GCC2: variants seen among roughly 807,000 people sequenced by gnomAD.
The protein encoded by GCC2 is GRIP and coiled-coil domain containing 2.
GCC2 carries 120 observed loss-of-function variants against 210.6 expected under a neutral mutation model. The ratio of observed to expected loss-of-function variants is 0.57; its 90% CI spans 0.49 to 0.66. The LOEUF (loss-of-function observed/expected upper bound fraction) is 0.66, where lower values mean the gene tolerates loss of function less well. Among genes scored for constraint, GCC2 ranks in the 30% least tolerant of loss-of-function variants. The pLI, the probability that GCC2 is intolerant of heterozygous loss-of-function variation, is 0.00. For missense variants in GCC2, 1,868 were observed against 1,871.9 expected (o/e 1.00, Z 0.04); for synonymous variants, 703 against 652.7 (o/e 1.08, Z -1.17).
intron 4 of GCC2, among the ~76,000 whole-genome samples, chr2:108,463,552 G>A (rs1680714796): frequency 6.6e-6 from 1 of 152,158 alleles, no homozygotes; most frequent in African/African-American, 2.4e-5. Flanking sequence ...GCTGGGGCCT[G>A]GAATGCCAAG....
intron 10 of GCC2, 114 bp downstream of exon 10, chr2:108,481,930 C>A (rs193190841): frequency 5.2e-5 from 36 of 696,694 alleles, no homozygotes; most frequent in African/African-American, 3.7e-4. Context: ...ATTCCCCCCC[C>A]ACTTTACCCT....
At position 108,469,999 on chromosome 2, in the gene GCC2, G is replaced by C; in HGVS notation, c.670G>C (p.Glu224Gln). ...AGTTACTCAACTCCAAAATATCATTGAGGCTAATTCTCAGCATTACCAAAA... is the reference window on the plus strand; with the variant it reads ...AGTTACTCAACTCCAAAATATCATTCAGGCTAATTCTCAGCATTACCAAAA... ...ETVTQLQNII[E>Q]ANSQHYQKNI... Residue 224 changes from glutamate (E) to glutamine (Q), a missense_variant, in exon 6 of 23, where the codon GAG (glutamate) becomes CAG (glutamine). Coordinates refer to ENST00000309863, the MANE Select transcript of GCC2 (RefSeq NM_181453.4). 1.9e-6 allele frequency: 3 copies of C among 1,612,610 alleles called. No homozygotes were observed. The highest frequency in any genetic ancestry group is 2.5e-6 in the Non-Finnish European group (3 of 1,179,030).
chr2:108,476,052 T>G, intron 9 of GCC2, among the ~76,000 whole-genome samples: 1 of 134,448 alleles, frequency 7.4e-6, no homozygotes, highest in Non-Finnish European at 1.6e-5. Context: ...AATAGTGGCT[T>G]GCTTTTTTTT....
intron 4 of GCC2, among the ~76,000 whole-genome samples, chr2:108,465,583 T>TA (rs1680839398): frequency 6.6e-6 from 1 of 152,206 alleles, no homozygotes; most frequent in African/African-American, 2.4e-5. Flanking sequence ...AGCTCCTACT[T>TA]ACAAGTGGGA....
At position 108,482,270 on chromosome 2, in the gene GCC2, A is replaced by G. The variant is rs759989212; in HGVS notation, c.3181-17A>G. The G allele has an allele frequency of 4.0e-6, 6 of 1,502,160 alleles. No individual in the cohort carries two copies. Among genetic ancestry groups the G allele is most frequent in the Non-Finnish European group, 5.5e-6 (6 of 1,094,576 alleles). 93.1% of individuals were successfully genotyped at this position (1,502,160 alleles called of 1,614,324 possible). On this transcript the variant is annotated splice_polypyrimidine_tract_variant and intron_variant, in intron 10 of 22. Coordinates refer to ENST00000309863, the MANE Select transcript of GCC2 (RefSeq NM_181453.4). ...GTTTTTTGCATGTTTATAGTAATGA[A>G]TCATTTGTCATTTCAGTGTGAAACA... is the stretch of plus-strand genomic sequence containing the variant.
At position 108,471,478 on chromosome 2, in the gene GCC2, G is replaced by T. The variant is rs748248613; in HGVS notation, c.2149G>T (p.Asp717Tyr). Residue 717 changes from aspartate to tyrosine, a missense_variant, in exon 6 of 23, where the codon GAT (aspartate) becomes TAT (tyrosine). Asp to Tyr is a radical substitution (Grantham distance 160, BLOSUM62 -3). This residue lies in a region of GCC2 where 1,847 missense variants were observed against 1,765.2 expected (regional missense o/e 1.05). Transcript: ENST00000309863. ...GGAGGTTTTTTTGTCTCAAAAAGAA[G>T]ATGTTATCCTTAAAGAACATATTAC... Reference protein sequence around the residue: ...DLEVFLSQKEDVILKEHITQL... With the variant: ...DLEVFLSQKEYVILKEHITQL... The T allele has an allele frequency of 8.1e-6, 13 of 1,610,020 alleles. No homozygotes were observed. Among genetic ancestry groups the T allele is most frequent in the Non-Finnish European group, 1.1e-5 (13 of 1,178,716 alleles).
chr2:108,479,689 A>G (rs900520612), intron 9 of GCC2, among the ~76,000 whole-genome samples: 3 of 151,798 alleles, frequency 2.0e-5, no homozygotes, highest in African/African-American at 7.3e-5. Flanking sequence ...AATGCCACAC[A>G]AGACCCAGCA....
intron 9 of GCC2, among the ~76,000 whole-genome samples, chr2:108,476,342 G>A (rs573664899): frequency 4.6e-5 from 7 of 152,158 alleles, no homozygotes; most frequent in Non-Finnish European, 7.4e-5. Context: ...ACAGGCATGC[G>A]CCACCACACC....
chr2:108,459,365 TA>T (rs1680433806), intron 4 of GCC2, among the ~76,000 whole-genome samples: 1 of 152,226 alleles, frequency 6.6e-6, no homozygotes, highest in South Asian at 2.1e-4. Flanking sequence ...TTTTGATTTT[TA>T]AAAATTTGTT....
At chr2:108,485,955 A>C in intron 15 of GCC2, 47 bp downstream of exon 15, 1 of 870,350 alleles carries the variant, frequency 1.1e-6, no homozygotes. Flanking sequence ...TTTCATGTAG[A>C]AGTGAGGTAC....
intron 13 of GCC2, among the ~76,000 whole-genome samples, chr2:108,485,356 G>A (rs1054397049): frequency 6.6e-6 from 1 of 151,414 alleles, no homozygotes; most frequent in African/African-American, 2.4e-5. Flanking sequence ...GATGTTTGTA[G>A]TCCACATTTA....
rs1222443730 is a variant in GCC2, at chr2:108,472,084, C to A, written c.2755C>A (p.Arg919=). Residue 919 remains arginine, a synonymous_variant, in exon 6 of 23, where the codon CGA becomes AGA. Coordinates refer to ENST00000309863, the MANE Select transcript of GCC2 (RefSeq NM_181453.4). The part of the protein sequence containing the change: ...LKPLLEQKEL[R]DRRAELILLK... Reference sequence around the variant, plus strand: ...GCCACTACTAGAACAAAAAGAATTACGAGATAGGAGAGCAGAGTTGATACT... The same window carrying A: ...GCCACTACTAGAACAAAAAGAATTAAGAGATAGGAGAGCAGAGTTGATACT... 5 of 1,561,954 alleles carry A rather than the reference C, an allele frequency of 3.2e-6. No homozygotes were observed. The highest frequency in any genetic ancestry group is 1.7e-4 in the Middle Eastern group (1 of 5,720).
intron 4 of GCC2, among the ~76,000 whole-genome samples, chr2:108,465,883 C>G (rs908756548): frequency 6.6e-6 from 1 of 152,148 alleles, no homozygotes; most frequent in Admixed American, 6.5e-5. Context: ...GAAACGTAGT[C>G]TCTCTCTGTC....
intron 7 of GCC2, among the ~76,000 whole-genome samples, chr2:108,473,685 T>A (rs1298846499): frequency 1.3e-5 from 2 of 152,134 alleles, no homozygotes; most frequent in Non-Finnish European, 2.9e-5. Context: ...GTTGAAGAGT[T>A]TAGAATGACT....
At chr2:108,474,035 G>GT (rs1681378255) in intron 7 of GCC2, among the ~76,000 whole-genome samples, 1 of 151,870 alleles carries the variant, frequency 6.6e-6, no homozygotes, top group Admixed American at 6.6e-5. Flanking sequence ...GCGGGCGCTT[G>GT]TAGTCACAGC....
In GCC2 at chr2:108,485,660, A is replaced by C. The variant is rs201741171; in HGVS notation, c.3638A>C (p.Gln1213Pro). Residue 1213 changes from glutamine (Q) to proline (P), a missense_variant, in exon 14 of 23, where the codon CAA (glutamine) becomes CCA (proline). Gln to Pro is a moderately conservative substitution (Grantham distance 76, BLOSUM62 -1). This residue lies in a region of GCC2 where 1,847 missense variants were observed against 1,765.2 expected (regional missense o/e 1.05). Coordinates refer to ENST00000309863, the MANE Select transcript of GCC2 (RefSeq NM_181453.4). ...GCTTCATTACAGTCTTCAGTACAAC[A>C]ATATGAAGAAAAAAACACCAAAATC... is the stretch of plus-strand genomic sequence containing the variant. The part of the protein sequence containing the change: ...EITSLQSSVQ[Q>P]YEEKNTKIKQ... 2 of 1,584,320 alleles carry C rather than the reference A, an allele frequency of 1.3e-6. No homozygotes were observed. The highest frequency in any genetic ancestry group is 1.7e-6 in the Non-Finnish European group (2 of 1,164,594).
chr2:108,508,297 G>A lies in GCC2; in HGVS notation c.*667G>A, dbSNP rs1269442399. On this transcript the variant is annotated 3_prime_UTR_variant, in exon 23 of 23. Coordinates refer to ENST00000309863, the MANE Select transcript of GCC2 (RefSeq NM_181453.4). ...TAAAAGTGACATGTTAAGGGGCTAT[G>A]AAGTAAATATGCTGCAGTTAATTAT... is the stretch of plus-strand genomic sequence containing the variant. 6.9e-6 allele frequency: 1 copy of A among 144,264 alleles called. No homozygotes were observed. The highest frequency in any genetic ancestry group is 1.5e-5 in the Non-Finnish European group (1 of 66,136). 8.9% of individuals were successfully genotyped at this position (144,264 alleles called of 1,614,324 possible). A position where few individuals can be genotyped will look rare whatever the true frequency, so the allele number is the denominator to read the frequency against.
At chr2:108,462,474 G>C (rs1209789879) in intron 4 of GCC2, 1 of 146,642 alleles carries the variant, frequency 6.8e-6, no homozygotes, top group Non-Finnish European at 1.5e-5. Flanking sequence ...AGCCTGGGGG[G>C]CAGAGCGAGA....
intron 9 of GCC2, among the ~76,000 whole-genome samples, chr2:108,477,368 A>G (rs1041002192): frequency 6.6e-6 from 1 of 152,142 alleles, no homozygotes; most frequent in Non-Finnish European, 1.5e-5. Context: ...AACAACCCCC[A>G]AGTATATTAG....
Sources: gnomAD v4.1 joint callset for allele counts (sites outside exome capture counted in the v4.1 genomes callset) on GRCh38, gnomAD v4.1.1 for gene constraint, gnomAD v4.1.1 regional missense constraint, MANE v1.5 for transcripts, NCBI Gene and HGNC (gene_info 2026-07-23, HGNC 2026-07-21) for gene names.